Variants in GASK1B observed in about 807,000 individuals in gnomAD.
GASK1B encodes the protein Golgi-associated kinase 1B.
GASK1B carries 34 observed loss-of-function variants against 42.8 expected under a neutral mutation model. The ratio of observed to expected loss-of-function variants is 0.79; its 90% CI spans 0.60 to 1.06. GASK1B has a LOEUF of 1.06. Among genes scored for constraint, GASK1B ranks in the 50% least tolerant of loss-of-function variants. The pLI is 0.00. For missense variants in GASK1B, 686 were observed against 661.0 expected (o/e 1.04, Z -0.42); for synonymous variants, 262 against 259.1 (o/e 1.01, Z -0.11).
chr4:158,164,029 C>T (rs1445951426), intron 2 of GASK1B, among the ~76,000 whole-genome samples: 1 of 152,198 alleles, frequency 6.6e-6, no homozygotes, highest in East Asian at 1.9e-4. Flanking sequence ...CAGATTCACT[C>T]CCACTGAAGA....
rs895487537 is a variant in GASK1B at position 158,126,894 on chromosome 4, T to C, written c.*513A>G. The stretch of plus-strand genomic sequence containing the variant: ...TGTTTAAATGTATGGTCAGCTCTGA[T>C]GCTCTTGCAGGCTGTAAGCCTCAGT... On this transcript the variant is annotated 3_prime_UTR_variant, in exon 5 of 5. Transcript: ENST00000585682. 1 of 152,432 alleles carries C rather than the reference T, an allele frequency of 6.6e-6. No homozygotes were observed. Among genetic ancestry groups the C allele is most frequent in the Non-Finnish European group, 1.5e-5 (1 of 68,226 alleles). The allele number at this position is 152,432 out of a possible 1,614,324, so 9.4% of individuals were successfully genotyped here.
At chr4:158,132,865 C>G (rs1730734948) in intron 3 of GASK1B, among the ~76,000 whole-genome samples, 1 of 152,152 alleles carries the variant, frequency 6.6e-6, no homozygotes, top group Non-Finnish European at 1.5e-5. Context: ...CATAGACTGA[C>G]TCCAGGGAAC....
chr4:158,127,691 A>G (rs896365230), intron 4 of GASK1B, 77 bp from the exon 5 acceptor site: 1 of 1,304,172 alleles, frequency 7.7e-7, no homozygotes, highest in Non-Finnish European at 1.1e-6. Context: ...CCTGCCTTTC[A>G]TTAATCTGTC....
intron 3 of GASK1B, among the ~76,000 whole-genome samples, chr4:158,153,869 A>G (rs1290072575): frequency 6.6e-6 from 1 of 152,218 alleles, no homozygotes; most frequent in Non-Finnish European, 1.5e-5. Flanking sequence ...GATGGATGAA[A>G]GACCTAAATA....
chr4:158,132,493 C>T (rs989219332), intron 3 of GASK1B, among the ~76,000 whole-genome samples: 2 of 152,200 alleles, frequency 1.3e-5, no homozygotes, highest in Non-Finnish European at 2.9e-5. Context: ...AGCACCTCTC[C>T]ACCATTACCA....
intron 1 of GASK1B, chr4:158,172,274 A>G (rs1560798943): frequency 6.6e-6 from 1 of 152,180 alleles, no homozygotes; most frequent in Admixed American, 6.5e-5. Context: ...AAATAAAAGC[A>G]TCTCTAGTTC....
chr4:158,140,626 T>G (rs1386507793), intron 3 of GASK1B, among the ~76,000 whole-genome samples: 2 of 152,206 alleles, frequency 1.3e-5, no homozygotes, highest in Non-Finnish European at 2.9e-5. Flanking sequence ...CTTGCTTTGC[T>G]CGAGCATACC....
rs189279559 is a variant in GASK1B at position 158,165,735 on chromosome 4, G to A, written c.910+4731C>T. On this transcript the variant is annotated intron_variant, in intron 2 of 4. Transcript: ENST00000585682. ...GGTAGTGTGGGTTAACAGAAGCAAC[G>A]TGAGGAAACTTCAGTGTCAGAGACA... Among the ~76,000 whole-genome samples the A allele has an allele frequency of 9.2e-5, 14 of 152,302 alleles. No individual in the cohort carries two copies. The South Asian group carries it at 1.0e-3, about 11-fold the overall frequency.
chr4:158,129,010 T>C (rs1044682795), intron 4 of GASK1B, among the ~76,000 whole-genome samples: 2 of 152,182 alleles, frequency 1.3e-5, no homozygotes, highest in African/African-American at 2.4e-5. Context: ...GGCTAATCCT[T>C]TTCATAAAGG....
chr4:158,160,604 C>G (rs987172495), intron 2 of GASK1B, among the ~76,000 whole-genome samples: 20 of 152,266 alleles, frequency 1.3e-4, no homozygotes, highest in African/African-American at 4.3e-4. Flanking sequence ...TTCTGGGTAT[C>G]TATCCAAAGG....
chr4:158,141,908 ATGTTGT>A (rs1731141302), intron 3 of GASK1B, among the ~76,000 whole-genome samples: 1 of 123,058 alleles, frequency 8.1e-6, no homozygotes, highest in Non-Finnish European at 1.7e-5. Flanking sequence ...CGCCCGGCCG[ATGTTGT>A]GGTTTCTTTT....
chr4:158,141,981 A>C (rs1579020335), intron 3 of GASK1B, among the ~76,000 whole-genome samples: 1 of 92,462 alleles, frequency 1.1e-5, no homozygotes, highest in Admixed American at 1.6e-4. Context: ...TCTGTCGCCC[A>C]GGCCGGACTG....
intron 3 of GASK1B, among the ~76,000 whole-genome samples, chr4:158,147,783 A>G (rs1731389164): frequency 6.6e-6 from 1 of 152,148 alleles, no homozygotes; most frequent in Admixed American, 6.5e-5. Flanking sequence ...ATTATTTAAG[A>G]CATAGGATTG....
chr4:158,141,977 G>T (rs1490259020), intron 3 of GASK1B, among the ~76,000 whole-genome samples: 5 of 103,134 alleles, frequency 4.8e-5, no homozygotes, highest in Non-Finnish European at 9.7e-5. Context: ...TCGCTCTGTC[G>T]CCCAGGCCGG....
intron 3 of GASK1B, among the ~76,000 whole-genome samples, chr4:158,136,239 T>C (rs1332474691): frequency 6.6e-6 from 1 of 152,020 alleles, no homozygotes; most frequent in Non-Finnish European, 1.5e-5. Context: ...AGGGTATTGT[T>C]AGCTAGGTGC....
At chr4:158,167,559 C>T (rs756483648) in intron 2 of GASK1B, among the ~76,000 whole-genome samples, 15 of 152,080 alleles carry the variant, frequency 9.9e-5, no homozygotes, top group South Asian at 2.1e-4. Flanking sequence ...AAGCAATGAA[C>T]GCATTCCTTC....
At chr4:158,160,711 C>T (rs1397138044) in intron 2 of GASK1B, among the ~76,000 whole-genome samples, 1 of 152,056 alleles carries the variant, frequency 6.6e-6, no homozygotes, top group Non-Finnish European at 1.5e-5. Context: ...AGGTGTCCAT[C>T]ATCAGAAAAT....
rs569403254 is a variant in GASK1B at position 158,164,786 on chromosome 4, A to G, written c.910+5680T>C. 3.3e-5 allele frequency among the ~76,000 whole-genome samples: 5 copies of G among 152,336 alleles called. No individual in the cohort carries two copies. In the East Asian group the frequency reaches 9.6e-4, roughly 29 times the overall value. ...TGTCCTTACCTGAAAGCCTGAAACA[A>G]TATAAAATGCAAAGCTGACATCCCC... is the stretch of plus-strand genomic sequence containing the variant. On this transcript the variant is annotated intron_variant, in intron 2 of 4. Transcript: ENST00000585682.
Position 158,155,598 on chromosome 4 carries a change from T to G in GASK1B, c.1125+13A>C, listed in dbSNP as rs1731726133. On this transcript the variant is annotated intron_variant, in intron 3 of 4. Coordinates refer to ENST00000585682, the MANE Select transcript of GASK1B (RefSeq NM_001128424.2). ...AGTCTTAGATAACTATTTGCTTGATTTGATAAACTTACCTGTAACAAAAAA... is the reference window on the plus strand; with the variant it reads ...AGTCTTAGATAACTATTTGCTTGATGTGATAAACTTACCTGTAACAAAAAA... The G allele has an allele frequency of 6.2e-7, 1 of 1,609,570 alleles. No homozygotes were observed. Among genetic ancestry groups the G allele is most frequent in the African/African-American group, 1.3e-5 (1 of 74,828 alleles).
Sources: gnomAD v4.1 joint callset for allele counts (sites outside exome capture counted in the v4.1 genomes callset) on GRCh38, gnomAD v4.1.1 for gene constraint, MANE v1.5 for transcripts, NCBI Gene and HGNC (gene_info 2026-07-23, HGNC 2026-07-21) for gene names.